The following GRIP2 variants were observed in gnomAD, a reference collection of about 807,000 sequenced individuals.
GRIP2 encodes glutamate receptor-interacting protein 2.
In GRIP2, 58 loss-of-function variants were observed where a neutral mutation model predicts 108.3. The ratio of observed to expected loss-of-function variants is 0.54; its 90% CI spans 0.43 to 0.67. GRIP2 has a LOEUF of 0.67. GRIP2 is among the 30% of genes least tolerant of loss of function. GRIP2 has a pLI of 0.00. For synonymous variants in GRIP2, 586 were observed against 598.2 expected (o/e 0.98, Z 0.30); for missense variants, 1,278 against 1,430.6 (o/e 0.89, Z 1.72).
At chr3:14,597,624 G>T in the GRIP2 span, among the ~76,000 whole-genome samples, 1 of 152,176 alleles carries the variant, frequency 6.6e-6, no homozygotes, top group African/African-American at 2.4e-5. Context: ...CAACTGCAAA[G>T]AAATCACTTT....
chr3:14,581,903 C>T, the GRIP2 span, among the ~76,000 whole-genome samples: 1 of 152,122 alleles, frequency 6.6e-6, no homozygotes, highest in African/African-American at 2.4e-5. Flanking sequence ...TTTGGCCTGG[C>T]CTCTGTTTTG....
chr3:14,509,510 C>A (rs1362186235), intron 17 of GRIP2, among the ~76,000 whole-genome samples: 1 of 152,266 alleles, frequency 6.6e-6, no homozygotes, highest in Non-Finnish European at 1.5e-5. Context: ...AGCAGGCGCT[C>A]CAAATAGCCT....
At chr3:14,569,971 G>T in the GRIP2 span, among the ~76,000 whole-genome samples, 1 of 152,190 alleles carries the variant, frequency 6.6e-6, no homozygotes, top group Non-Finnish European at 1.5e-5. Context: ...CAATTTTACA[G>T]TGGAGGAAAC....
chr3:14,513,627 C>T (rs1291549522), intron 13 of GRIP2, 38 bp downstream of exon 13: 4 of 1,579,154 alleles, frequency 2.5e-6, no homozygotes, highest in Admixed American at 1.8e-5. Context: ...GGTGCAGGGC[C>T]CTGAAATATG....
chr3:14,503,769 C>G, intron 20 of GRIP2, 98 bp from the exon 21 acceptor site: 1 of 34,566 alleles, frequency 2.9e-5, no homozygotes, highest in South Asian at 5.7e-4. Context: ...GCGTTGGGCT[C>G]GAGGGGCCAT....
intron 1 of GRIP2, among the ~76,000 whole-genome samples, chr3:14,547,884 A>T (rs531844214): frequency 2.0e-5 from 3 of 152,348 alleles, no homozygotes; most frequent in Admixed American, 1.3e-4. Flanking sequence ...AAGAAACCCA[A>T]GTTCAAAGTC....
the GRIP2 span, among the ~76,000 whole-genome samples, chr3:14,565,965 G>C: frequency 3.9e-5 from 6 of 152,248 alleles, no homozygotes; most frequent in Admixed American, 3.9e-4. Flanking sequence ...GCTAGTGGCA[G>C]GGCCATCTCT....
At chr3:14,589,721 C>T in the GRIP2 span, among the ~76,000 whole-genome samples, 2 of 150,994 alleles carry the variant, frequency 1.3e-5, no homozygotes, top group African/African-American at 2.4e-5. Flanking sequence ...GCACTACCCA[C>T]TTATTGTAGA....
chr3:14,489,160 T>C lies in GRIP2; in HGVS notation c.*4505A>G, dbSNP rs779109671. 1 of 152,668 alleles carries C rather than the reference T, an allele frequency of 6.6e-6. No homozygotes were observed. Among genetic ancestry groups the C allele is most frequent in the Non-Finnish European group, 1.5e-5 (1 of 68,046 alleles). The allele number at this position is 152,668 out of a possible 1,614,324, so 9.5% of individuals were successfully genotyped here. On this transcript the variant is annotated 3_prime_UTR_variant, in exon 24 of 24. Coordinates refer to ENST00000621039, the MANE Select transcript of GRIP2 (RefSeq NM_001080423.4). ...ACAAGATCCTTGGTGTGTAGTTCAG[T>C]CTTGCAGTATACAAGCTTTTGTGTA...
At chr3:14,572,835 A>C in the GRIP2 span, 1 of 1,057,522 alleles carries the variant, frequency 9.5e-7, no homozygotes, top group South Asian at 1.3e-5. Context: ...TGGTCCCTGG[A>C]GCCCGCAGCC....
At chr3:14,554,977 C>G (rs756426071) in intron 1 of GRIP2, among the ~76,000 whole-genome samples, 2 of 152,128 alleles carry the variant, frequency 1.3e-5, no homozygotes, top group African/African-American at 2.4e-5. Context: ...GCATAGAGAT[C>G]GTGAATCCAC....
In GRIP2 at chr3:14,512,926, GC is replaced by G; in HGVS notation, c.1640-70del. On this transcript the variant is annotated intron_variant, in intron 13 of 23. Coordinates refer to ENST00000621039, the MANE Select transcript of GRIP2 (RefSeq NM_001080423.4). This position sits in a 1 kb window ranked among gnomAD's most constrained non-coding sequence, Gnocchi z 5.1. ...GAGCCTCAGCGAACCCCAGCCCCAT[GC>G]CCATTCTGGCTGTGCTGGGAGTGAC... The G allele has an allele frequency of 7.2e-7, 1 of 1,381,062 alleles. No homozygotes were observed. Among genetic ancestry groups the G allele is most frequent in the South Asian group, 1.2e-5 (1 of 85,952 alleles). 85.6% of individuals were successfully genotyped at this position (1,381,062 alleles called of 1,614,324 possible).
intron 20 of GRIP2, among the ~76,000 whole-genome samples, chr3:14,504,976 G>T (rs1693877717): frequency 6.6e-6 from 1 of 152,228 alleles, no homozygotes. Flanking sequence ...AGGAGCAGCT[G>T]TGGGTACCAG....
the GRIP2 span, chr3:14,574,769 C>A: frequency 2.6e-6 from 1 of 389,148 alleles, no homozygotes; most frequent in South Asian, 2.3e-5. Context: ...CATGGAAGCT[C>A]ATCTTGGCCA....
Position 14,505,738 on chromosome 3 carries a change from C to T in GRIP2, c.2450G>A (p.Arg817Lys). The change falls in exon 20 of 24, where the codon AGG (arginine) becomes AAG (lysine). Residue 817 changes from arginine to lysine, a missense_variant. Coordinates refer to ENST00000621039, the MANE Select transcript of GRIP2 (RefSeq NM_001080423.4). This position sits in a 1 kb window ranked among gnomAD's most constrained non-coding sequence, Gnocchi z 4.2. Reference protein sequence around the residue: ...AARGTTPQERRPGWLRGSPPP... With the variant: ...AARGTTPQERKPGWLRGSPPP... ...GGGGCTGCCCCTCAGCCAGCCAGGC[C>T]TCCGCTCCTGGGGGGTCGTGCCCCG... The T allele has an allele frequency of 6.3e-7, 1 of 1,583,966 alleles. No homozygotes were observed. Among genetic ancestry groups the T allele is most frequent in the Non-Finnish European group, 8.6e-7 (1 of 1,164,970 alleles).
upstream of GRIP2, among the ~76,000 whole-genome samples, chr3:14,556,741 A>T (rs1222140196): frequency 6.6e-6 from 1 of 152,244 alleles, no homozygotes; most frequent in African/African-American, 2.4e-5. Context: ...CGCATCCAGC[A>T]TCCCTTCTTG....
In GRIP2 at chr3:14,513,916, T is replaced by G. The variant is rs1694173519; in HGVS notation, c.1494-106A>C. 6 of 1,355,836 alleles carry G rather than the reference T, an allele frequency of 4.4e-6. No individual in the cohort carries two copies. The Admixed American group carries it at 1.4e-4, about 31-fold the overall frequency. The allele number at this position is 1,355,836 out of a possible 1,614,324, so 84.0% of individuals were successfully genotyped here. A position where few individuals can be genotyped will look rare whatever the true frequency, so the allele number is the denominator to read the frequency against. On this transcript the variant is annotated intron_variant, in intron 12 of 23. Transcript: ENST00000621039. ...TGAACCTGGGTCACACCTCCTGGTC[T>G]GGGGTGACTCTCAGCTCTGCCCTGG...
rs1260792051 is a variant in GRIP2 at position 14,496,436 on chromosome 3, G to A, written c.2804C>T (p.Thr935Ile). Residue 935 changes from threonine (T) to isoleucine (I), a missense_variant, in exon 22 of 24, where the codon ACA becomes ATA. Physicochemically the swap from Thr to Ile is moderately conservative, Grantham distance 89 (BLOSUM62 -1). Transcript: ENST00000621039. Reference protein sequence around the residue: ...PAEMEELLLPTPLEMHKVTLH... With the variant: ...PAEMEELLLPIPLEMHKVTLH... ...GCCTACCTTGTGCATCTCCAAGGGT[G>A]TAGGCAGCAACAGCTCCTCCATTTC... 6.2e-6 allele frequency: 10 copies of A among 1,612,174 alleles called. No homozygotes were observed. The African/African-American group carries it at 6.7e-5, about 11-fold the overall frequency.
At chr3:14,574,330 G>T in the GRIP2 span, 3 of 1,030,124 alleles carry the variant, frequency 2.9e-6, no homozygotes, top group Admixed American at 5.3e-5. Context: ...CGGGCGAAGA[G>T]TTTGCGCACC....
Sources: allele counts gnomAD v4.1 joint callset (sites outside exome capture counted in the v4.1 genomes callset), GRCh38; gene constraint gnomAD v4.1.1; non-coding constraint Gnocchi (gnomAD v3.1); transcripts MANE v1.5; gene names NCBI Gene and HGNC (gene_info 2026-07-23, HGNC 2026-07-21).